Variants in SARDH observed in about 807,000 individuals in gnomAD.
SARDH encodes the protein sarcosine dehydrogenase, mitochondrial.
SARDH carries 95 observed loss-of-function variants against 109.1 expected under a neutral mutation model. The ratio of observed to expected loss-of-function variants is 0.87; its 90% CI spans 0.74 to 1.03. The LOEUF is 1.03. SARDH is among the 50% of genes least tolerant of loss of function. SARDH has a pLI of 0.00. For missense variants in SARDH, 1,267 were observed against 1,287.8 expected, an observed-to-expected ratio of 0.98 and a Z score of 0.25; for synonymous variants, 572 against 534.8, an observed-to-expected ratio of 1.07 and a Z score of -0.96.
At chr9:133,738,428 C>A (rs971499410), upstream of SARDH, 3 of 152,288 alleles carry the variant, frequency 2.0e-5, no homozygotes, top group African/African-American at 7.2e-5. Context: ...TACCGCCCAC[C>A]ACTGCGGCTT....
rs1831628413 is a variant in SARDH, at chr9:133,704,854, GGCACACGGAGGGGCAAGGA to G, written c.1554+75_1554+93del. The G allele has an allele frequency of 6.5e-6, 7 of 1,077,536 alleles. No individual in the cohort carries two copies. In the African/African-American group the frequency reaches 1.1e-4, roughly 17 times the overall value. 66.7% of individuals were successfully genotyped at this position (1,077,536 alleles called of 1,614,324 possible). On this transcript the variant is annotated intron_variant, in intron 12 of 20. Transcript: ENST00000439388. The surrounding 1 kb of genome is among the most constrained non-coding windows in gnomAD (Gnocchi z 4.5). ...ACAGTGGAACCACCTGGGGAGGCGG[GGCACACGGAGGGGCAAGGA>G]CGGGGCACGTGGAGGGGCAAGGGGG...
At chr9:133,665,287 T>A (rs1035235733) in intron 20 of SARDH, among the ~76,000 whole-genome samples, 2 of 152,214 alleles carry the variant, frequency 1.3e-5, no homozygotes, top group Non-Finnish European at 2.9e-5. Context: ...TTACTGTTCT[T>A]TGAAGAAATG....
intron 6 of SARDH, among the ~76,000 whole-genome samples, chr9:133,721,639 TGGG>T (rs1456226648): frequency 2.6e-5 from 4 of 152,120 alleles, no homozygotes; most frequent in Admixed American, 6.5e-5. Flanking sequence ...AAATGGGACT[TGGG>T]GGCGTTAGGT....
chr9:133,690,571 G>A lies in SARDH; in HGVS notation c.1922-44C>T, dbSNP rs551766388. 7 of 1,578,664 alleles carry A rather than the reference G, an allele frequency of 4.4e-6. No individual in the cohort carries two copies. In the South Asian group the frequency reaches 7.8e-5, roughly 17 times the overall value. On this transcript the variant is annotated intron_variant, in intron 15 of 20. Transcript: ENST00000439388. ...GACTTAGAGCAGGATTTCAGGGCCT[G>A]GGAGGTGGGGACAGAGAGGGTGGCC...
Position 133,731,368 on chromosome 9 carries a change from A to G in SARDH, c.627T>C (p.Gly209=), listed in dbSNP as rs745320621. ...LYGTLYVPHD[G]TMDPAGTCTT... ...TACAGGTGCCAGCGGGGTCCATGGT[A>G]CCGTCGTGCGGCACATACAGGGTCC... Residue 209 remains glycine, a synonymous_variant, in exon 4 of 21, where the codon GGT becomes GGC. Coordinates refer to ENST00000439388, the MANE Select transcript of SARDH (RefSeq NM_001134707.2). The G allele has an allele frequency of 1.9e-6, 3 of 1,614,004 alleles. No homozygotes were observed.
chr9:133,718,665 C>T lies in SARDH; in HGVS notation c.1020+273G>A, dbSNP rs745928820. On this transcript the variant is annotated intron_variant, in intron 7 of 20. Coordinates refer to ENST00000439388, the MANE Select transcript of SARDH (RefSeq NM_001134707.2). The surrounding 1 kb of genome is among the most constrained non-coding windows in gnomAD (Gnocchi z 4.2). Reference sequence around the variant, plus strand: ...ACGTAGGACTTGTGTGCTCTCATGCCCTTCTGAGGTCATCACTCCACACTG... The same window carrying T: ...ACGTAGGACTTGTGTGCTCTCATGCTCTTCTGAGGTCATCACTCCACACTG... The T allele has an allele frequency of 2.6e-6, 2 of 779,302 alleles. No homozygotes were observed. The highest frequency in any genetic ancestry group is 2.4e-6 in the Non-Finnish European group (1 of 417,942). The allele number at this position is 779,302 out of a possible 1,614,324, so 48.3% of individuals were successfully genotyped here. A position where few individuals can be genotyped will look rare whatever the true frequency, so the allele number is the denominator to read the frequency against.
At chr9:133,676,981 A>G (rs1050166012) in intron 17 of SARDH, among the ~76,000 whole-genome samples, 1 of 152,190 alleles carries the variant, frequency 6.6e-6, no homozygotes, top group Non-Finnish European at 1.5e-5. Context: ...TCTACTAAAA[A>G]TACAAAAATT....
intron 6 of SARDH, among the ~76,000 whole-genome samples, chr9:133,721,834 G>A (rs1832336885): frequency 6.6e-6 from 1 of 152,124 alleles, no homozygotes; most frequent in African/African-American, 2.4e-5. Flanking sequence ...ACCATGGCCA[G>A]ACTGGACGTG....
intron 14 of SARDH, 144 bp downstream of exon 14, chr9:133,696,079 G>C (rs925741295): frequency 3.9e-6 from 3 of 772,582 alleles, no homozygotes; most frequent in Non-Finnish European, 3.7e-6. Context: ...GGGCCGGACG[G>C]GGGGGAGCTC....
In SARDH at chr9:133,719,438, C is replaced by G. The variant is rs183903997; in HGVS notation, c.916-396G>C. On this transcript the variant is annotated intron_variant, in intron 6 of 20. Coordinates refer to ENST00000439388, the MANE Select transcript of SARDH (RefSeq NM_001134707.2). ...CAGAGTGGATGGAGGAGGGGTGAGA[C>G]TTAGCTGGGGCTGGAGGAGAGGGAG... Among the ~76,000 whole-genome samples the G allele has an allele frequency of 9.2e-3, 1,395 of 152,262 alleles. 18 individuals are homozygous for G. Among genetic ancestry groups the G allele is most frequent in the African/African-American group, 0.031 (1,298 of 41,558 alleles).
At chr9:133,669,959 G>C (rs1830278437) in intron 19 of SARDH, among the ~76,000 whole-genome samples, 1 of 152,226 alleles carries the variant, frequency 6.6e-6, no homozygotes, top group Non-Finnish European at 1.5e-5. Context: ...CATGGGAAGA[G>C]TGTGGAGCCT....
At position 133,734,096 on chromosome 9, in the gene SARDH, GCATGGCCC is replaced by G. The variant is rs1301420123; in HGVS notation, c.70_77del (p.Gly24GlnfsTer94). On this transcript the variant is annotated frameshift_variant, in exon 2 of 21. Transcript: ENST00000439388. LOFTEE classifies it high-confidence loss of function. Reference sequence around the variant, plus strand: ...TGGGGCCAGCTGCGCTGGACAGGTTGCATGGCCCCATGCCCCGGGTAGGGCTCTGGCGA... The same window carrying G: ...TGGGGCCAGCTGCGCTGGACAGGTTGCATGCCCCGGGTAGGGCTCTGGCGA... 5 of 1,612,694 alleles carry G rather than the reference GCATGGCCC, an allele frequency of 3.1e-6. No individual in the cohort carries two copies. The African/African-American group carries it at 6.7e-5, about 22-fold the overall frequency.
chr9:133,723,879 CTGGATAGCCACATGCAAAAGAATGCA>C, intron 6 of SARDH, among the ~76,000 whole-genome samples: 1 of 152,236 alleles, frequency 6.6e-6, no homozygotes, highest in African/African-American at 2.4e-5. Flanking sequence ...GCTGGGCCAA[CTGGATAGCCACATGCAAAAGAATGCA>C]GTTGGACCCC....
At chr9:133,737,285 G>A (rs1167752725) in intron 1 of SARDH, among the ~76,000 whole-genome samples, 1 of 152,254 alleles carries the variant, frequency 6.6e-6, no homozygotes, top group Non-Finnish European at 1.5e-5. Context: ...GGAGGGAGCA[G>A]GGAGTCTGAT....
intron 1 of SARDH, among the ~76,000 whole-genome samples, chr9:133,736,438 C>T (rs1336298582): frequency 1.3e-5 from 2 of 152,192 alleles, no homozygotes; most frequent in Non-Finnish European, 2.9e-5. Context: ...CTCTGTCTTC[C>T]AGGCTGGAGT....
Position 133,724,375 on chromosome 9 carries a change from G to A in SARDH, c.916-5333C>T, listed in dbSNP as rs565918606. Among the ~76,000 whole-genome samples the A allele has an allele frequency of 4.6e-5, 7 of 152,280 alleles. No individual in the cohort carries two copies. The East Asian group carries it at 1.2e-3, about 25-fold the overall frequency. The stretch of plus-strand genomic sequence containing the variant: ...GTGTCTGAGTAACCATTTCTCCAAA[G>A]AAGATACACAAATAGTCAGTAAGCA... On this transcript the variant is annotated intron_variant, in intron 6 of 20. Coordinates refer to ENST00000439388, the MANE Select transcript of SARDH (RefSeq NM_001134707.2).
At chr9:133,719,925 T>C (rs758181640) in intron 6 of SARDH, among the ~76,000 whole-genome samples, 4 of 150,672 alleles carry the variant, frequency 2.7e-5, no homozygotes, top group Non-Finnish European at 5.9e-5. Flanking sequence ...TCCTGACTAA[T>C]ATGGTGAAAC....
intron 6 of SARDH, among the ~76,000 whole-genome samples, chr9:133,723,468 A>G (rs1415600663): frequency 6.6e-6 from 1 of 152,244 alleles, no homozygotes; most frequent in Non-Finnish European, 1.5e-5. Context: ...GAGTCGAGAA[A>G]TAAACCTTCT....
Position 133,690,453 on chromosome 9 carries a change from C to A in SARDH, c.1996G>T (p.Asp666Tyr), listed in dbSNP as rs765385960. 4 of 1,612,920 alleles carry A rather than the reference C, an allele frequency of 2.5e-6. No homozygotes were observed. The highest frequency in any genetic ancestry group is 3.4e-6 in the Non-Finnish European group (4 of 1,179,932). ...NWSHITTVLQDQKSQCQLIDS... is the reference protein window; with the variant it reads ...NWSHITTVLQYQKSQCQLIDS... ...ATGAGCTGGCACTGGGACTTCTGGT[C>A]CTGCAGCACGGTGGTGATGTGGGAC... The change falls in exon 16 of 21, where the codon GAC becomes TAC. Residue 666 changes from aspartate (D) to tyrosine (Y), a missense_variant. By Grantham distance (160) the Asp-to-Tyr change is radical. Transcript: ENST00000439388.
Sources: gnomAD v4.1 joint callset for allele counts (sites outside exome capture counted in the v4.1 genomes callset) on GRCh38, gnomAD v4.1.1 for gene constraint, Gnocchi (gnomAD v3.1) non-coding constraint, MANE v1.5 for transcripts, NCBI Gene and HGNC (gene_info 2026-07-23, HGNC 2026-07-21) for gene names.